SNX31: variants seen among roughly 807,000 people sequenced by gnomAD.
SNX31 encodes the protein sorting nexin 31.
In SNX31, 58 loss-of-function variants were observed where a neutral mutation model predicts 65.4. The ratio of observed to expected loss-of-function variants is 0.89; its 90% CI spans 0.72 to 1.10. The LOEUF is 1.10. Among genes scored for constraint, SNX31 ranks in the 50% least tolerant of loss-of-function variants. SNX31 has a pLI of 0.00. For synonymous variants in SNX31, 181 were observed against 190.1 expected (o/e 0.95, Z 0.39); for missense variants, 523 against 529.7 (o/e 0.99, Z 0.12).
chr8:100,604,521 C>G lies in SNX31; in HGVS notation c.681+3973G>C, dbSNP rs1423136275. Among the ~76,000 whole-genome samples, 1 of 152,198 alleles carries G rather than the reference C, an allele frequency of 6.6e-6. No individual in the cohort carries two copies. The highest frequency in any genetic ancestry group is 6.5e-5 in the Admixed American group (1 of 15,288). On this transcript the variant is annotated intron_variant, in intron 8 of 13. Coordinates refer to ENST00000311812, the MANE Select transcript of SNX31 (RefSeq NM_152628.4). This position sits in a 1 kb window ranked among gnomAD's most constrained non-coding sequence, Gnocchi z 4.3. ...AGTCAGGAAGCCAAAGGTCAGCCCC[C>G]CTCCACTCACCAAGCCATGGGCCCC...
chr8:100,573,614 A>T lies in SNX31; in HGVS notation c.*251T>A, dbSNP rs912849307. 16 of 284,576 alleles carry T rather than the reference A, an allele frequency of 5.6e-5. No homozygotes were observed. The highest frequency in any genetic ancestry group is 2.6e-4 in the Admixed American group (5 of 19,332). The allele number at this position is 284,576 out of a possible 1,614,324, so 17.6% of individuals were successfully genotyped here. ...ATGAGACATTAAAAACAAACTCTAT[A>T]CTGTCATGACGAAGTGCAAAAATAA... is the stretch of plus-strand genomic sequence containing the variant. On this transcript the variant is annotated 3_prime_UTR_variant, in exon 14 of 14. Transcript: ENST00000311812.
At chr8:100,607,866 C>T (rs914724559) in intron 8 of SNX31, among the ~76,000 whole-genome samples, 7 of 152,128 alleles carry the variant, frequency 4.6e-5, no homozygotes, top group Middle Eastern at 3.2e-3. Flanking sequence ...TTGGTAACCG[C>T]GATCATTACA....
Position 100,593,056 on chromosome 8 carries a change from G to A in SNX31, c.978+3583C>T, listed in dbSNP as rs186594787. Among the ~76,000 whole-genome samples, 23 of 152,272 alleles carry A rather than the reference G, an allele frequency of 1.5e-4. 1 individual carries two copies. The highest frequency in any genetic ancestry group is 1.2e-3 in the Admixed American group (19 of 15,296). On this transcript the variant is annotated intron_variant, in intron 10 of 13. Coordinates refer to ENST00000311812, the MANE Select transcript of SNX31 (RefSeq NM_152628.4). ...GGGATAGGAAAGTGACAACTAAAGG[G>A]TATGGGGCTTCTTTTTCAGGTGATA...
chr8:100,642,455 C>T (rs1218970295), intron 2 of SNX31, among the ~76,000 whole-genome samples: 1 of 152,182 alleles, frequency 6.6e-6, no homozygotes, highest in Non-Finnish European at 1.5e-5. Flanking sequence ...AGCCCTGAGG[C>T]CAAGATCTGG....
At position 100,622,556 on chromosome 8, in the gene SNX31, CAGG is replaced by C. The variant is rs1398639722; in HGVS notation, c.322-4829_322-4827del. 1.3e-5 allele frequency among the ~76,000 whole-genome samples: 2 copies of C among 152,010 alleles called. No homozygotes were observed. The highest frequency in any genetic ancestry group is 2.9e-5 in the Non-Finnish European group (2 of 68,012). The stretch of plus-strand genomic sequence containing the variant: ...ATCTCAGCTACTTGGGAGGCTGAGG[CAGG>C]AGAATCACTTGAACCCAGGAGGCGG... On this transcript the variant is annotated intron_variant, in intron 4 of 13. Transcript: ENST00000311812. This position sits in a 1 kb window ranked among gnomAD's most constrained non-coding sequence, Gnocchi z 5.0.
upstream of SNX31, among the ~76,000 whole-genome samples, chr8:100,650,680 G>A (rs1807958): frequency 0.065 from 9,947 of 152,156 alleles, 452 homozygotes; most frequent in Non-Finnish European, 0.095. Flanking sequence ...TGTGGGCTAG[G>A]AGCCATTGAC....
chr8:100,655,269 T>C (rs1820038132), intron 1 of SNX31, among the ~76,000 whole-genome samples: 1 of 152,122 alleles, frequency 6.6e-6, no homozygotes, highest in Non-Finnish European at 1.5e-5. Context: ...AAGAGTTAAC[T>C]GGTAAGAGCA....
At chr8:100,640,793 A>T (rs1819116593) in intron 2 of SNX31, among the ~76,000 whole-genome samples, 1 of 152,214 alleles carries the variant, frequency 6.6e-6, no homozygotes, top group Non-Finnish European at 1.5e-5. Flanking sequence ...TATCAAGGTC[A>T]TTAAACATAA....
At position 100,600,347 on chromosome 8, in the gene SNX31, ACCTTTG is replaced by A; in HGVS notation, c.770_774+1del. 1 of 1,612,116 alleles carries A rather than the reference ACCTTTG, an allele frequency of 6.2e-7. No homozygotes were observed. The highest frequency in any genetic ancestry group is 8.5e-7 in the Non-Finnish European group (1 of 1,178,536). Reference sequence around the variant, plus strand: ...TTTCTCTTGGAGCAATATTTGATTCACCTTTGTTTGACTGTCTTCTTTCTGGAAAGC... The same window carrying A: ...TTTCTCTTGGAGCAATATTTGATTCATTTGACTGTCTTCTTTCTGGAAAGC... On this transcript the variant is annotated splice_donor_variant and coding_sequence_variant, in exon 9 of 14. Transcript: ENST00000311812. LOFTEE classifies it high-confidence loss of function.
At chr8:100,657,887 A>C in intron 1 of SNX31, 1 of 363,294 alleles carries the variant, frequency 2.8e-6, no homozygotes, top group South Asian at 2.0e-5. Flanking sequence ...AAACAAAAAA[A>C]CAAAAAATAA....
intron 7 of SNX31, 44 bp downstream of exon 7, chr8:100,611,956 C>T (rs1179098236): frequency 8.8e-6 from 13 of 1,474,942 alleles, no homozygotes; most frequent in East Asian, 4.5e-5. Context: ...TGGGCAATGG[C>T]GAAGTGTCGT....
intron 12 of SNX31, chr8:100,582,657 T>C (rs1813651702): frequency 6.6e-6 from 1 of 152,136 alleles, no homozygotes; most frequent in South Asian, 2.1e-4. Context: ...ATCCATCCTC[T>C]TAGTCTAAAT....
chr8:100,633,491 C>T (rs529517109), intron 3 of SNX31, among the ~76,000 whole-genome samples: 11 of 152,202 alleles, frequency 7.2e-5, no homozygotes, highest in African/African-American at 2.6e-4. Context: ...GCAGCCTCCT[C>T]CTCCCGGGTT....
At chr8:100,600,590 T>A in intron 8 of SNX31, 149 bp from the exon 9 acceptor site, 1 of 585,292 alleles carries the variant, frequency 1.7e-6, no homozygotes, top group East Asian at 3.2e-5. Flanking sequence ...ATTTTTTAAA[T>A]TAGTAAGAAG....
Position 100,612,016 on chromosome 8 carries a change from C to T in SNX31, c.595G>A (p.Val199Ile). Residue 199 changes from valine to isoleucine, a missense_variant, in exon 7 of 14, where the codon GTT (valine) becomes ATT (isoleucine). Transcript: ENST00000311812. This position sits in a 1 kb window ranked among gnomAD's most constrained non-coding sequence, Gnocchi z 4.3. Reference sequence around the variant, plus strand: ...CCTACTTACCACTTTCGGAGTCCAACCTTACAGTTTTCCACCTCAGAACTT... The same window carrying T: ...CCTACTTACCACTTTCGGAGTCCAATCTTACAGTTTTCCACCTCAGAACTT... Reference protein sequence around the residue: ...LGSSEVENCKVGLRKWYMAPS... With the variant: ...LGSSEVENCKIGLRKWYMAPS... The T allele has an allele frequency of 1.2e-6, 2 of 1,614,018 alleles. No individual in the cohort carries two copies. The highest frequency in any genetic ancestry group is 1.7e-6 in the Non-Finnish European group (2 of 1,179,952).
rs1809765613 is a variant in SNX31 at position 100,660,574 on chromosome 8, G to A, written c.-58+2568C>T. On this transcript the variant is annotated intron_variant, in intron 1 of 5. Transcript: ENST00000520352. The surrounding 1 kb of genome is among the most constrained non-coding windows in gnomAD (Gnocchi z 4.1). Reference sequence around the variant, plus strand: ...TCAGCACGGGGCTCTAACTCAAGTGGCAGGCGTCCCTGACCTGACAGAAGA... The same window carrying A: ...TCAGCACGGGGCTCTAACTCAAGTGACAGGCGTCCCTGACCTGACAGAAGA... Among the ~76,000 whole-genome samples the A allele has an allele frequency of 6.6e-6, 1 of 152,166 alleles. No homozygotes were observed. The highest frequency in any genetic ancestry group is 2.4e-5 in the African/African-American group (1 of 41,436).
At chr8:100,624,482 T>C (rs1446839942) in intron 4 of SNX31, among the ~76,000 whole-genome samples, 1 of 152,210 alleles carries the variant, frequency 6.6e-6, no homozygotes, top group Non-Finnish European at 1.5e-5. Flanking sequence ...GTCTATTTCA[T>C]TTTTCTAACT....
At chr8:100,651,705 T>C (rs1208816679), upstream of SNX31, among the ~76,000 whole-genome samples, 4 of 152,234 alleles carry the variant, frequency 2.6e-5, no homozygotes, top group Non-Finnish European at 5.9e-5. Context: ...TAGCAGCGAT[T>C]GGAGGCGCTG....
At chr8:100,620,211 C>T (rs1281071563) in intron 4 of SNX31, among the ~76,000 whole-genome samples, 3 of 152,118 alleles carry the variant, frequency 2.0e-5, no homozygotes, top group Non-Finnish European at 4.4e-5. Flanking sequence ...TACTGGGGGA[C>T]CACAAAGTTG....
Sources: allele counts gnomAD v4.1 joint callset (sites outside exome capture counted in the v4.1 genomes callset), GRCh38; gene constraint gnomAD v4.1.1; non-coding constraint Gnocchi (gnomAD v3.1); transcripts MANE v1.5; gene names NCBI Gene and HGNC (gene_info 2026-07-23, HGNC 2026-07-21).